ZNF536: variants seen among roughly 807,000 people sequenced by gnomAD.
ZNF536 encodes zinc finger protein 536.
Under a neutral mutation model 84.5 loss-of-function variants are expected in ZNF536, and 13 were observed. The observed-to-expected ratio is 0.15, with a 90% CI of 0.10 to 0.24. The LOEUF (loss-of-function observed/expected upper bound fraction) is 0.24, where lower values mean the gene tolerates loss of function less well. Among genes scored for constraint, ZNF536 ranks in the 10% least tolerant of loss-of-function variants. ZNF536 has a pLI of 1.00. For missense variants in ZNF536, 1,536 were observed against 1,747.5 expected, an observed-to-expected ratio of 0.88 and a Z score of 2.16; for synonymous variants, 811 against 742.5, an observed-to-expected ratio of 1.09 and a Z score of -1.50.
At chr19:30,675,401 C>T (rs999727990) in intron 1 of ZNF536, among the ~76,000 whole-genome samples, 2 of 152,208 alleles carry the variant, frequency 1.3e-5, no homozygotes, top group African/African-American at 4.8e-5. Flanking sequence ...AGAAAGGACG[C>T]TGTTCCTAAC....
At chr19:30,505,385 T>C (rs1229277401) in intron 2 of ZNF536, among the ~76,000 whole-genome samples, 1 of 147,810 alleles carries the variant, frequency 6.8e-6, no homozygotes, top group African/African-American at 2.5e-5. Context: ...GTATACTATA[T>C]ATATGGTATA....
chr19:30,654,593 C>T (rs967744816), intron 1 of ZNF536, among the ~76,000 whole-genome samples: 1 of 152,118 alleles, frequency 6.6e-6, no homozygotes, highest in Non-Finnish European at 1.5e-5. Flanking sequence ...AAGGTGAAAC[C>T]AAAAAGACCT....
chr19:30,278,738 C>T (rs935529471), intron 1 of ZNF536, among the ~76,000 whole-genome samples: 4 of 152,130 alleles, frequency 2.6e-5, no homozygotes, highest in African/African-American at 4.8e-5. Context: ...CTGCCTTTCC[C>T]CTGCCACTGC....
chr19:30,434,440 C>G (rs1170276078), intron 1 of ZNF536, among the ~76,000 whole-genome samples: 3 of 152,178 alleles, frequency 2.0e-5, no homozygotes, highest in Non-Finnish European at 4.4e-5. Flanking sequence ...AGGCATTTCC[C>G]AAATGACTGA....
chr19:30,227,834 G>A (rs1248832677), upstream of ZNF536, among the ~76,000 whole-genome samples: 2 of 151,936 alleles, frequency 1.3e-5, no homozygotes, highest in South Asian at 2.1e-4. Context: ...AGCCCGAGCG[G>A]GCCGCCGGGC....
At chr19:30,483,384 C>T (rs2054165572) in intron 2 of ZNF536, among the ~76,000 whole-genome samples, 1 of 152,086 alleles carries the variant, frequency 6.6e-6, no homozygotes, top group Non-Finnish European at 1.5e-5. Context: ...CTTCAGGTGT[C>T]CCATTGGCAC....
At chr19:30,706,530 A>C (rs1160533337) in intron 1 of ZNF536, among the ~76,000 whole-genome samples, 2 of 151,872 alleles carry the variant, frequency 1.3e-5, no homozygotes. Flanking sequence ...AGTTTTGCTG[A>C]TGAACAAAAA....
intron 2 of ZNF536, among the ~76,000 whole-genome samples, chr19:30,494,280 C>T (rs1355446148): frequency 6.6e-6 from 1 of 152,172 alleles, no homozygotes; most frequent in Non-Finnish European, 1.5e-5. Context: ...TTCGTTACAG[C>T]TAAGGTCAGT....
chr19:30,260,907 A>G (rs551652630), intron 1 of ZNF536, among the ~76,000 whole-genome samples: 15 of 152,342 alleles, frequency 9.8e-5, no homozygotes, highest in Non-Finnish European at 1.9e-4. Flanking sequence ...CCACAGCCTC[A>G]GCTTCAGCTA....
At chr19:30,533,855 A>C (rs766805413) in intron 2 of ZNF536, among the ~76,000 whole-genome samples, 9 of 152,204 alleles carry the variant, frequency 5.9e-5, no homozygotes, top group Non-Finnish European at 1.3e-4. Context: ...GGGGATGTCC[A>C]TGATTCTGGA....
chr19:30,475,140 G>C (rs1222727897), intron 2 of ZNF536, among the ~76,000 whole-genome samples: 1 of 152,144 alleles, frequency 6.6e-6, no homozygotes, highest in African/African-American at 2.4e-5. Flanking sequence ...GAGTGCAGTG[G>C]CACAATCTCA....
intron 1 of ZNF536, among the ~76,000 whole-genome samples, chr19:30,627,821 G>T (rs566670606): frequency 1.8e-4 from 28 of 152,302 alleles, no homozygotes; most frequent in African/African-American, 6.7e-4. Context: ...CCAGTGAGGA[G>T]AGGCGAAGAT....
chr19:30,520,798 C>A (rs922343127), intron 2 of ZNF536, among the ~76,000 whole-genome samples: 1 of 152,066 alleles, frequency 6.6e-6, no homozygotes, highest in Non-Finnish European at 1.5e-5. Context: ...GGGAGGCTAC[C>A]AATTGGGACT....
intron 1 of ZNF536, among the ~76,000 whole-genome samples, chr19:30,255,972 C>T (rs1005587652): frequency 6.6e-6 from 1 of 152,330 alleles, no homozygotes. Flanking sequence ...GGGGAGAGTG[C>T]TGGACCCCAG....
At chr19:30,470,755 G>A (rs1420388879) in intron 2 of ZNF536, among the ~76,000 whole-genome samples, 2 of 148,500 alleles carry the variant, frequency 1.3e-5, no homozygotes. Flanking sequence ...GTGTGGTCTC[G>A]GCTCACTGCA....
intron 1 of ZNF536, among the ~76,000 whole-genome samples, chr19:30,622,947 G>GT (rs566308884): frequency 0.013 from 1,895 of 140,910 alleles, 39 homozygotes; most frequent in African/African-American, 0.044. Flanking sequence ...TCCTCCTAGA[G>GT]TTTTTTTTTT....
intron 1 of ZNF536, among the ~76,000 whole-genome samples, chr19:30,238,627 C>T (rs961711672): frequency 4.0e-5 from 6 of 151,850 alleles, no homozygotes; most frequent in Non-Finnish European, 5.9e-5. Context: ...TCCCTCCCTC[C>T]CTTTCTCCCT....
intron 2 of ZNF536, among the ~76,000 whole-genome samples, chr19:30,337,680 G>T (rs1418864623): frequency 2.0e-5 from 3 of 152,204 alleles, no homozygotes; most frequent in Non-Finnish European, 4.4e-5. Flanking sequence ...AAATGGGGAT[G>T]CTTGGGGTTG....
chr19:30,436,814 T>G (rs1008964680), intron 1 of ZNF536, among the ~76,000 whole-genome samples: 34 of 152,180 alleles, frequency 2.2e-4, no homozygotes, highest in African/African-American at 8.2e-4. Flanking sequence ...GGTCTGCCTG[T>G]TACTAGAAGT....
Sources: gnomAD v4.1 joint callset for allele counts (sites outside exome capture counted in the v4.1 genomes callset) on GRCh38, gnomAD v4.1.1 for gene constraint, MANE v1.5 for transcripts, NCBI Gene and HGNC (gene_info 2026-07-23, HGNC 2026-07-21) for gene names.